The following MOXD1 variants were observed in gnomAD, a reference collection of about 807,000 sequenced individuals.
The protein encoded by MOXD1 is monooxygenase DBH like 1.
In MOXD1, 62 loss-of-function variants were observed where a neutral mutation model predicts 66.6. The ratio of observed to expected loss-of-function variants is 0.93; its 90% CI spans 0.76 to 1.15. The LOEUF (loss-of-function observed/expected upper bound fraction) is 1.15. Ranked by LOEUF, MOXD1 falls within the 50% of genes most tolerant of loss-of-function variation. The pLI, the probability that MOXD1 is intolerant of heterozygous loss-of-function variation, is 0.00. For missense variants in MOXD1, 847 were observed against 754.6 expected, an observed-to-expected ratio of 1.12 and a Z score of -1.44; for synonymous variants, 303 against 281.9, an observed-to-expected ratio of 1.07 and a Z score of -0.75.
At chr6:132,314,827 A>G (rs1774906421) in intron 10 of MOXD1, among the ~76,000 whole-genome samples, 1 of 151,334 alleles carries the variant, frequency 6.6e-6, no homozygotes, top group East Asian at 1.9e-4. Context: ...CCTCTCCCTC[A>G]CTCCAGAATA....
intron 6 of MOXD1, 148 bp from the exon 7 acceptor site, chr6:132,324,245 A>T: frequency 1.3e-6 from 1 of 792,270 alleles, no homozygotes; most frequent in South Asian, 1.8e-5. Context: ...AGGGAAAGGG[A>T]TTCAAGCAGA....
At chr6:132,313,889 T>C (rs1293328281) in intron 10 of MOXD1, among the ~76,000 whole-genome samples, 1 of 152,182 alleles carries the variant, frequency 6.6e-6, no homozygotes, top group East Asian at 1.9e-4. Flanking sequence ...CACTCCAGCC[T>C]GGGTGACAAG....
At chr6:132,359,976 G>T (rs1199154470) in intron 4 of MOXD1, among the ~76,000 whole-genome samples, 1 of 152,166 alleles carries the variant, frequency 6.6e-6, no homozygotes, top group Non-Finnish European at 1.5e-5. Context: ...ACAAGTAACT[G>T]CAGGGATTCT....
chr6:132,325,280 C>T (rs751114980), intron 6 of MOXD1: 2 of 152,168 alleles, frequency 1.3e-5, no homozygotes, highest in African/African-American at 2.4e-5. Flanking sequence ...GATGCAAATC[C>T]CAGCTCTGCT....
chr6:132,383,706 T>C (rs745533248), intron 1 of MOXD1, among the ~76,000 whole-genome samples: 16 of 152,176 alleles, frequency 1.1e-4, no homozygotes, highest in Non-Finnish European at 2.1e-4. Flanking sequence ...GAAAAAACAA[T>C]TTCAGACTAC....
intron 1 of MOXD1, among the ~76,000 whole-genome samples, chr6:132,386,433 C>CAA (rs143926667): frequency 1.6e-3 from 102 of 65,062 alleles, no homozygotes; most frequent in Middle Eastern, 0.019. Flanking sequence ...CAAAACAAAA[C>CAA]AAAAAAAAAA....
chr6:132,397,612 C>CAGAGAGAG lies in MOXD1; in HGVS notation c.264+3543_264+3550dup, dbSNP rs58540885. On this transcript the variant is annotated intron_variant, in intron 1 of 11. Coordinates refer to ENST00000367963, the MANE Select transcript of MOXD1 (RefSeq NM_015529.4). ...ATTTAAACACACACACACACACTCA[C>CAGAGAGAG]AGAGAGAGAGAGAGAGAGAGAGACA... is the stretch of plus-strand genomic sequence containing the variant. Among the ~76,000 whole-genome samples the CAGAGAGAG allele has an allele frequency of 2.1e-3, 284 of 137,208 alleles. 9 individuals are homozygous for CAGAGAGAG. Among genetic ancestry groups the CAGAGAGAG allele is most frequent in the Admixed American group, 0.02 (262 of 13,232 alleles). 90.0% of individuals were successfully genotyped at this position (137,208 alleles called of 152,430 possible).
intron 10 of MOXD1, among the ~76,000 whole-genome samples, chr6:132,311,664 T>C (rs941103761): frequency 2.6e-5 from 4 of 152,154 alleles, no homozygotes; most frequent in Admixed American, 2.0e-4. Context: ...AGTTTCTTTC[T>C]AATAAGTTAA....
At chr6:132,395,526 A>G (rs1776851829) in intron 1 of MOXD1, among the ~76,000 whole-genome samples, 1 of 152,192 alleles carries the variant, frequency 6.6e-6, no homozygotes. Flanking sequence ...AAGCTCTCAC[A>G]TATCAATAAT....
chr6:132,350,026 C>A (rs1048419457), intron 4 of MOXD1, among the ~76,000 whole-genome samples: 3 of 152,114 alleles, frequency 2.0e-5, no homozygotes, highest in African/African-American at 7.2e-5. Flanking sequence ...GGATATTAGT[C>A]CTTTGTCAGA....
At chr6:132,338,016 T>C (rs1562286366) in intron 4 of MOXD1, among the ~76,000 whole-genome samples, 5 of 152,178 alleles carry the variant, frequency 3.3e-5, no homozygotes. Flanking sequence ...CACATGATAA[T>C]AGCTCTGCTT....
At chr6:132,347,739 C>A (rs1468696146) in intron 4 of MOXD1, among the ~76,000 whole-genome samples, 1 of 151,954 alleles carries the variant, frequency 6.6e-6, no homozygotes, top group Non-Finnish European at 1.5e-5. Flanking sequence ...AAAGGGATAG[C>A]AAAAATATTT....
At chr6:132,368,509 T>A (rs1422783867) in intron 4 of MOXD1, among the ~76,000 whole-genome samples, 1 of 152,094 alleles carries the variant, frequency 6.6e-6, no homozygotes, top group Non-Finnish European at 1.5e-5. Context: ...AAAATACAAA[T>A]CAATAAATTG....
At chr6:132,365,815 C>G (rs77306455) in intron 4 of MOXD1, among the ~76,000 whole-genome samples, 1,921 of 152,158 alleles carry the variant, frequency 0.013, 48 homozygotes, top group African/African-American at 0.044. Context: ...TAATTTGAGT[C>G]AAATCATTAC....
chr6:132,328,198 G>A (rs1775231040), intron 5 of MOXD1, 83 bp from the exon 6 acceptor site: 1 of 1,318,972 alleles, frequency 7.6e-7, no homozygotes, highest in East Asian at 2.3e-5. Context: ...CCATCTTCAA[G>A]GATATTTCAA....
At chr6:132,302,697 T>C (rs1436623264) in intron 10 of MOXD1, among the ~76,000 whole-genome samples, 3 of 152,198 alleles carry the variant, frequency 2.0e-5, no homozygotes, top group Admixed American at 2.0e-4. Context: ...AAAATGAAAT[T>C]GACAAGTTGA....
intron 10 of MOXD1, among the ~76,000 whole-genome samples, chr6:132,301,120 C>T (rs1222399637): frequency 6.6e-6 from 1 of 151,682 alleles, no homozygotes; most frequent in Non-Finnish European, 1.5e-5. Context: ...GGGAATGTTA[C>T]AGAAATAAAA....
intron 1 of MOXD1, among the ~76,000 whole-genome samples, chr6:132,400,000 T>TG (rs1458302801): frequency 6.6e-6 from 1 of 152,176 alleles, no homozygotes; most frequent in Non-Finnish European, 1.5e-5. Context: ...GTTACTTATT[T>TG]GGGGGAAGAA....
At chr6:132,349,681 C>A (rs902131753) in intron 4 of MOXD1, among the ~76,000 whole-genome samples, 2 of 151,688 alleles carry the variant, frequency 1.3e-5, no homozygotes, top group Non-Finnish European at 2.9e-5. Context: ...ACTTTTAGTT[C>A]TTTAAGGAAT....
Sources: allele counts gnomAD v4.1 joint callset (sites outside exome capture counted in the v4.1 genomes callset), GRCh38; gene constraint gnomAD v4.1.1; transcripts MANE v1.5; gene names NCBI Gene and HGNC (gene_info 2026-07-23, HGNC 2026-07-21).